The following CCDC3 variants were observed in gnomAD, a reference collection of about 807,000 sequenced individuals.
CCDC3 encodes the protein coiled-coil domain-containing protein 3.
In CCDC3, 24 loss-of-function variants were observed where a neutral mutation model predicts 21.4. That is an observed-to-expected ratio of 1.12 (90% CI 0.81 to 1.58). CCDC3 has a LOEUF of 1.58. Ranked by LOEUF, CCDC3 falls within the 40% of genes most tolerant of loss-of-function variation. The pLI is 0.00. For synonymous variants in CCDC3, 186 were observed against 166.0 expected, an observed-to-expected ratio of 1.12 and a Z score of -0.93; for missense variants, 425 against 360.9, an observed-to-expected ratio of 1.18 and a Z score of -1.44.
At chr10:13,001,053 A>G in intron 1 of CCDC3, 144 bp downstream of exon 1, 1 of 1,029,930 alleles carries the variant, frequency 9.7e-7, no homozygotes, top group Non-Finnish European at 1.4e-6. Flanking sequence ...AAGATCCAAG[A>G]AGGCAAGGGG....
chr10:12,984,446 C>T (rs896510918), intron 2 of CCDC3, among the ~76,000 whole-genome samples: 1 of 152,180 alleles, frequency 6.6e-6, no homozygotes, highest in Non-Finnish European at 1.5e-5. Context: ...AACCCTCATA[C>T]ACTGCTGGTG....
chr10:12,987,865 C>A (rs1162046435), intron 2 of CCDC3, among the ~76,000 whole-genome samples: 1 of 152,138 alleles, frequency 6.6e-6, no homozygotes, highest in African/African-American at 2.4e-5. Flanking sequence ...TATCCCAGAG[C>A]CAGCCATTTC....
chr10:12,931,512 G>C (rs12267173), intron 2 of CCDC3, among the ~76,000 whole-genome samples: 15,193 of 152,238 alleles, frequency 0.1, 801 homozygotes, highest in African/African-American at 0.14. Context: ...TGGAAGCCAG[G>C]TTTCTGCTGC....
intron 5 of CCDC3, among the ~76,000 whole-genome samples, chr10:13,023,959 C>T (rs1403412824): frequency 1.3e-5 from 2 of 152,154 alleles, no homozygotes; most frequent in Non-Finnish European, 2.9e-5. Context: ...GGGTGGTACA[C>T]AGAAGTTACT....
At chr10:13,067,429 G>A (rs1429802252) in intron 4 of CCDC3, among the ~76,000 whole-genome samples, 1 of 151,778 alleles carries the variant, frequency 6.6e-6, no homozygotes, top group Non-Finnish European at 1.5e-5. Flanking sequence ...TACTAGGCCA[G>A]GAATAAGGAT....
intron 2 of CCDC3, among the ~76,000 whole-genome samples, chr10:12,966,806 G>A (rs1473673186): frequency 3.3e-5 from 5 of 152,162 alleles, no homozygotes; most frequent in East Asian, 3.8e-4. Flanking sequence ...AAATTCCAAC[G>A]TGTTCTAAAA....
At chr10:13,021,193 T>A (rs1001785858) in intron 5 of CCDC3, among the ~76,000 whole-genome samples, 3 of 152,256 alleles carry the variant, frequency 2.0e-5, no homozygotes, top group Admixed American at 6.5e-5. Flanking sequence ...AGGAAATAAC[T>A]AAGCTTAACA....
chr10:12,954,821 C>T (rs1334450452), intron 2 of CCDC3, among the ~76,000 whole-genome samples: 10 of 152,160 alleles, frequency 6.6e-5, no homozygotes, highest in Non-Finnish European at 1.5e-4. Flanking sequence ...GGATATAACA[C>T]ATATTTTATA....
In CCDC3 at chr10:12,998,353, G is replaced by A; in HGVS notation, c.534C>T (p.Ile178=). The change falls in exon 2 of 3, where the codon ATC becomes ATT. Residue 178 remains isoleucine, a synonymous_variant. Transcript: ENST00000378825. ...QLATFSSDWE[I]QEDSRLMCSS... The stretch of plus-strand genomic sequence containing the variant: ...CAATTCTTACCCTACTGTCTTCCTG[G>A]ATTTCCCAGTCACTGGAGAAAGTCG... 6.2e-7 allele frequency: 1 copy of A among 1,614,082 alleles called. No individual in the cohort carries two copies. Among genetic ancestry groups the A allele is most frequent in the Non-Finnish European group, 8.5e-7 (1 of 1,179,992 alleles).
intron 2 of CCDC3, among the ~76,000 whole-genome samples, chr10:12,981,933 G>A (rs1835503530): frequency 6.6e-6 from 1 of 151,614 alleles, no homozygotes; most frequent in Admixed American, 6.6e-5. Flanking sequence ...GACCATCCTG[G>A]CCAACATGGT....
At position 13,031,118 on chromosome 10, in the gene CCDC3, A is replaced by G. The variant is rs529277022; in HGVS notation, c.-2+18556T>C. ...AAACAGAGCACTCCTCAGCAAATGT[A>G]AAAGAACAGAAATTATAACAAACTG... On this transcript the variant is annotated intron_variant, in intron 5 of 6. Coordinates refer to the CCDC3 transcript ENST00000378839. Among the ~76,000 whole-genome samples, 8 of 152,372 alleles carry G rather than the reference A, an allele frequency of 5.3e-5. No homozygotes were observed. In the South Asian group the frequency reaches 1.2e-3, roughly 24 times the overall value.
chr10:13,058,313 T>C, intron 4 of CCDC3: 2 of 1,352,006 alleles, frequency 1.5e-6, no homozygotes, highest in African/African-American at 1.4e-5. Flanking sequence ...CACCTTCACT[T>C]GGCCTTCATA....
At chr10:13,075,997 G>A (rs1371062436) in intron 3 of CCDC3, among the ~76,000 whole-genome samples, 1 of 152,202 alleles carries the variant, frequency 6.6e-6, no homozygotes, top group Non-Finnish European at 1.5e-5. Flanking sequence ...GGGAGGCAGA[G>A]GTTGCAATGA....
intron 2 of CCDC3, among the ~76,000 whole-genome samples, chr10:12,941,476 G>A (rs985370245): frequency 6.6e-6 from 1 of 152,148 alleles, no homozygotes; most frequent in African/African-American, 2.4e-5. Context: ...TCTGGATCAG[G>A]ACCCCTTTCT....
At chr10:12,926,956 AAT>A (rs1249578973) in intron 2 of CCDC3, among the ~76,000 whole-genome samples, 2 of 152,226 alleles carry the variant, frequency 1.3e-5, no homozygotes, top group Non-Finnish European at 2.9e-5. Flanking sequence ...AGATGAATAA[AAT>A]ATAGTTATTA....
chr10:13,020,895 AT>A (rs1159406443), intron 5 of CCDC3, among the ~76,000 whole-genome samples: 1 of 152,270 alleles, frequency 6.6e-6, no homozygotes, highest in Non-Finnish European at 1.5e-5. Context: ...AAAAACAATA[AT>A]GAATAAATAA....
Position 12,955,155 on chromosome 10 carries a change from C to T in CCDC3, c.549+43183G>A, listed in dbSNP as rs557941989. ...TCAGATGTGTCTGGCATTTAGATTC[C>T]TTGGTATACCCAGTGAAGTGATGAA... On this transcript the variant is annotated intron_variant, in intron 2 of 2. Coordinates refer to ENST00000378825, the MANE Select transcript of CCDC3 (RefSeq NM_031455.4). 7.9e-5 allele frequency among the ~76,000 whole-genome samples: 12 copies of T among 152,296 alleles called. No homozygotes were observed. The South Asian group carries it at 2.3e-3, about 29-fold the overall frequency.
chr10:12,917,757 T>TAC (rs1834382679), intron 2 of CCDC3, among the ~76,000 whole-genome samples: 1 of 152,240 alleles, frequency 6.6e-6, no homozygotes, highest in Non-Finnish European at 1.5e-5. Flanking sequence ...CTGATGGCTG[T>TAC]AATCATTTCA....
intron 4 of CCDC3, among the ~76,000 whole-genome samples, chr10:13,065,337 A>C (rs914005735): frequency 6.6e-6 from 1 of 152,194 alleles, no homozygotes; most frequent in African/African-American, 2.4e-5. Flanking sequence ...AATACCATAT[A>C]AACACGTCAC....
Sources: gnomAD v4.1 joint callset for allele counts (sites outside exome capture counted in the v4.1 genomes callset) on GRCh38, gnomAD v4.1.1 for gene constraint, MANE v1.5 for transcripts, NCBI Gene and HGNC (gene_info 2026-07-23, HGNC 2026-07-21) for gene names.